The following TTLL5 variants were observed in gnomAD, a reference collection of about 807,000 sequenced individuals.
The protein encoded by TTLL5 is tubulin tyrosine ligase like 5.
In TTLL5, 132 loss-of-function variants were observed where a neutral mutation model predicts 168.4. The observed-to-expected ratio is 0.78, with a 90% confidence interval of 0.68 to 0.91. The LOEUF is 0.91. TTLL5 is among the 40% of genes least tolerant of loss of function. The probability of loss-of-function intolerance (pLI) is 0.00; values close to 1 mark genes in which losing one functional copy is unlikely to be tolerated. For synonymous variants in TTLL5, 546 were observed against 558.6 expected, an observed-to-expected ratio of 0.98 and a Z score of 0.32; for missense variants, 1,545 against 1,581.5, an observed-to-expected ratio of 0.98 and a Z score of 0.39.
intron 28 of TTLL5, among the ~76,000 whole-genome samples, chr14:75,849,978 C>T (rs546695234): frequency 1.3e-5 from 2 of 152,102 alleles, no homozygotes; most frequent in South Asian, 2.1e-4. Flanking sequence ...TAGTAGTGTG[C>T]ACCTGTAGTC....
chr14:75,883,776 G>A (rs1034849633), intron 30 of TTLL5, among the ~76,000 whole-genome samples: 2 of 152,154 alleles, frequency 1.3e-5, no homozygotes, highest in Non-Finnish European at 2.9e-5. Context: ...AGTACCAAGC[G>A]CTGTTCTGGG....
intron 31 of TTLL5, chr14:75,904,238 A>C: frequency 8.4e-7 from 1 of 1,186,650 alleles, no homozygotes; most frequent in Non-Finnish European, 1.1e-6. Flanking sequence ...AAGAATTACT[A>C]GAACATGGTA....
intron 30 of TTLL5, among the ~76,000 whole-genome samples, chr14:75,894,882 A>G (rs1160355738): frequency 6.6e-6 from 1 of 152,218 alleles, no homozygotes; most frequent in African/African-American, 2.4e-5. Context: ...AAGCACTTGT[A>G]TGCACTTAAC....
intron 31 of TTLL5, among the ~76,000 whole-genome samples, chr14:75,918,222 C>G (rs893205066): frequency 6.6e-6 from 1 of 152,190 alleles, no homozygotes; most frequent in Admixed American, 6.5e-5. Context: ...GCTCCCTTGC[C>G]TACTTCTCCT....
chr14:75,902,062 A>AAGAAGCG, intron 30 of TTLL5, 80 bp from the exon 31 acceptor site: 6 of 1,220,732 alleles, frequency 4.9e-6, no homozygotes, highest in Non-Finnish European at 6.1e-6. Flanking sequence ...CACCAAGAGC[A>AAGAAGCG]AGAAGCGAAG....
chr14:75,713,213 C>G (rs921499045), intron 9 of TTLL5, among the ~76,000 whole-genome samples: 3 of 152,216 alleles, frequency 2.0e-5, no homozygotes, highest in African/African-American at 7.2e-5. Flanking sequence ...TGTAATGGAG[C>G]TGAAAAATTT....
chr14:75,700,741 G>C (rs577850633), intron 7 of TTLL5, among the ~76,000 whole-genome samples: 1 of 152,126 alleles, frequency 6.6e-6, no homozygotes, highest in African/African-American at 2.4e-5. Flanking sequence ...TCTAAAACTT[G>C]CCTTGGTCTC....
At chr14:75,911,470 A>C (rs531440379) in intron 31 of TTLL5, among the ~76,000 whole-genome samples, 1 of 152,336 alleles carries the variant, frequency 6.6e-6, no homozygotes, top group Admixed American at 6.5e-5. Flanking sequence ...TAAGATGATG[A>C]GGTGAAGAAA....
At chr14:75,847,953 C>A (rs772473587) in intron 28 of TTLL5, among the ~76,000 whole-genome samples, 5 of 128,126 alleles carry the variant, frequency 3.9e-5, no homozygotes, top group Non-Finnish European at 6.6e-5. Context: ...TATACATTTT[C>A]TTTTCTTCCC....
intron 31 of TTLL5, among the ~76,000 whole-genome samples, chr14:75,914,052 A>ATATATATATATATATT (rs1304496430): frequency 2.5e-4 from 30 of 122,370 alleles, no homozygotes; most frequent in Admixed American, 2.1e-3. Flanking sequence ...ATATATATAT[A>ATATATATATATATATT]TATTTTATCC....
chr14:75,937,568 T>C (rs2034472479), intron 31 of TTLL5, among the ~76,000 whole-genome samples: 1 of 152,186 alleles, frequency 6.6e-6, no homozygotes, highest in East Asian at 1.9e-4. Flanking sequence ...CTACTTTCTG[T>C]CTCTATGAAT....
At chr14:75,687,289 G>T (rs992521241) in intron 5 of TTLL5, among the ~76,000 whole-genome samples, 25 of 151,472 alleles carry the variant, frequency 1.7e-4, no homozygotes, top group African/African-American at 3.6e-4. Flanking sequence ...TGGTTTTTTT[G>T]TGGGGGGACA....
rs551289857 is a variant in TTLL5, at chr14:75,774,487, C to G, written c.2137-997C>G. ...TAAAGTCATTAGTTTCTACTCTTCACGTATATTTTTCATTACCCATGCATT... is the reference window on the plus strand; with the variant it reads ...TAAAGTCATTAGTTTCTACTCTTCAGGTATATTTTTCATTACCCATGCATT... On this transcript the variant is annotated intron_variant, in intron 21 of 31. Transcript: ENST00000298832. Among the ~76,000 whole-genome samples the G allele has an allele frequency of 1.6e-4, 25 of 152,234 alleles. No homozygotes were observed. In the East Asian group the frequency reaches 4.4e-3, roughly 27 times the overall value.
chr14:75,783,582 A>C, intron 26 of TTLL5, 52 bp downstream of exon 26: 1 of 1,571,122 alleles, frequency 6.4e-7, no homozygotes. Flanking sequence ...CCCCAGCCCC[A>C]ATAAAGAAAG....
intron 10 of TTLL5, 108 bp downstream of exon 10, chr14:75,718,070 C>A: frequency 1.1e-6 from 1 of 872,468 alleles, no homozygotes; most frequent in Non-Finnish European, 1.8e-6. Context: ...ACATTAATGT[C>A]CATGTACCAT....
rs867363324 is a variant in TTLL5, at chr14:75,863,935, G to T, written c.3522+73G>T. Reference sequence around the variant, plus strand: ...GTAAAAAAAAAAAAAAAAAAAAAAAGGTCAGTGAATGAGAAATGTAGGATT... The same window carrying T: ...GTAAAAAAAAAAAAAAAAAAAAAAATGTCAGTGAATGAGAAATGTAGGATT... On this transcript the variant is annotated intron_variant, in intron 29 of 31. Coordinates refer to ENST00000298832, the MANE Select transcript of TTLL5 (RefSeq NM_015072.5). 43 of 616,222 alleles carry T rather than the reference G, an allele frequency of 7.0e-5. No homozygotes were observed. In the African/African-American group the frequency reaches 1.2e-3, roughly 17 times the overall value. 38.2% of individuals were successfully genotyped at this position (616,222 alleles called of 1,614,324 possible). A position where few individuals can be genotyped will look rare whatever the true frequency, so the allele number is the denominator to read the frequency against.
At chr14:75,851,519 T>G (rs1386219068) in intron 28 of TTLL5, among the ~76,000 whole-genome samples, 1 of 152,172 alleles carries the variant, frequency 6.6e-6, no homozygotes, top group African/African-American at 2.4e-5. Flanking sequence ...GCCTGAACCA[T>G]TGCTTCTCTC....
At chr14:75,893,098 A>T (rs1365833816) in intron 30 of TTLL5, among the ~76,000 whole-genome samples, 2 of 152,254 alleles carry the variant, frequency 1.3e-5, no homozygotes, top group African/African-American at 2.4e-5. Context: ...AGATAAATTA[A>T]TACTTTAAAA....
At chr14:75,776,288 T>A (rs1261448985) in intron 22 of TTLL5, among the ~76,000 whole-genome samples, 1 of 152,186 alleles carries the variant, frequency 6.6e-6, no homozygotes, top group Non-Finnish European at 1.5e-5. Flanking sequence ...TTACTCCAGA[T>A]CTGTTGAGAA....
Sources: allele counts gnomAD v4.1 joint callset (sites outside exome capture counted in the v4.1 genomes callset), GRCh38; gene constraint gnomAD v4.1.1; transcripts MANE v1.5; gene names NCBI Gene and HGNC (gene_info 2026-07-23, HGNC 2026-07-21).